Variants in PCNX4 observed in about 807,000 individuals in gnomAD.
The protein encoded by PCNX4 is pecanex 4.
PCNX4 carries 103 observed loss-of-function variants against 107.2 expected under a neutral mutation model. That is an observed-to-expected ratio of 0.96 (90% CI 0.82 to 1.13). The LOEUF is 1.13. PCNX4 is among the 50% of genes most tolerant of loss of function. The pLI is 0.00. For synonymous variants in PCNX4, 541 were observed against 481.7 expected (o/e 1.12, Z -1.61); for missense variants, 1,528 against 1,379.4 (o/e 1.11, Z -1.71).
At position 60,144,639 on chromosome 14, in the gene PCNX4, T is replaced by C; in HGVS notation, c.*10418T>C. 1 of 228,580 alleles carries C rather than the reference T, an allele frequency of 4.4e-6. No individual in the cohort carries two copies. The highest frequency in any genetic ancestry group is 6.5e-5 in the South Asian group (1 of 15,302). 14.2% of individuals were successfully genotyped at this position (228,580 alleles called of 1,614,324 possible). On this transcript the variant is annotated 3_prime_UTR_variant, in exon 11 of 11. Transcript: ENST00000406854. ...CCAGGAAAAACAGATTTCTGTTGTT[T>C]ATAAATTACCAAATCTGTGGTATTT...
rs1372743954 is a variant in PCNX4 at position 60,146,131 on chromosome 14, TTATAA to T, written c.*11913_*11917del. 7.4e-6 allele frequency: 1 copy of T among 134,944 alleles called. No individual in the cohort carries two copies. The highest frequency in any genetic ancestry group is 1.5e-5 in the Non-Finnish European group (1 of 66,032). The allele number at this position is 134,944 out of a possible 1,614,324, so 8.4% of individuals were successfully genotyped here. On this transcript the variant is annotated 3_prime_UTR_variant, in exon 11 of 11. Coordinates refer to ENST00000406854, the MANE Select transcript of PCNX4 (RefSeq NM_001330177.2). The surrounding 1 kb of genome is among the most constrained non-coding windows in gnomAD (Gnocchi z 4.9). ...TTTGAGAAATGACAGAATGCCCAGC[TTATAA>T]TAAAGAGTGACAAAGTAGTAAGACT...
chr14:60,137,548 G>A lies in PCNX4; in HGVS notation c.*3327G>A, dbSNP rs1896253954. The A allele has an allele frequency of 6.6e-6, 1 of 152,112 alleles. No homozygotes were observed. The highest frequency in any genetic ancestry group is 2.4e-5 in the African/African-American group (1 of 41,410). The allele number at this position is 152,112 out of a possible 1,614,324, so 9.4% of individuals were successfully genotyped here. A position where few individuals can be genotyped will look rare whatever the true frequency, so the allele number is the denominator to read the frequency against. On this transcript the variant is annotated 3_prime_UTR_variant, in exon 11 of 11. Coordinates refer to ENST00000406854, the MANE Select transcript of PCNX4 (RefSeq NM_001330177.2). ...TTATAACTTTTCATGTTTAGTGTTG[G>A]AAAGTTATTTAAGGTATCTGAGGAA...
At chr14:60,099,861 C>G (rs981727988) in intron 1 of PCNX4, among the ~76,000 whole-genome samples, 1 of 151,822 alleles carries the variant, frequency 6.6e-6, no homozygotes, top group Non-Finnish European at 1.5e-5. Context: ...GTTAGGAGTT[C>G]GAGACCAGCC....
At chr14:60,122,889 T>C (rs1039298053) in intron 8 of PCNX4, among the ~76,000 whole-genome samples, 3 of 152,176 alleles carry the variant, frequency 2.0e-5, no homozygotes, top group Non-Finnish European at 4.4e-5. Context: ...GCTGTCTCTT[T>C]AGTCCAGTGG....
intron 1 of PCNX4, among the ~76,000 whole-genome samples, chr14:60,094,353 A>C (rs1214805954): frequency 2.0e-5 from 3 of 152,126 alleles, no homozygotes; most frequent in Non-Finnish European, 2.9e-5. Context: ...CTAGCATCAA[A>C]ACAAAATTCG....
Position 60,147,234 on chromosome 14 carries a change from CAAA to C in PCNX4, c.*13014_*13016del, listed in dbSNP as rs913774311. 6.7e-6 allele frequency: 1 copy of C among 149,460 alleles called. No individual in the cohort carries two copies. Among genetic ancestry groups the C allele is most frequent in the Non-Finnish European group, 1.5e-5 (1 of 67,450 alleles). The allele number at this position is 149,460 out of a possible 1,614,324, so 9.3% of individuals were successfully genotyped here. On this transcript the variant is annotated 3_prime_UTR_variant, in exon 11 of 11. Coordinates refer to ENST00000406854, the MANE Select transcript of PCNX4 (RefSeq NM_001330177.2). ...TGGGTGACAGGGCGAGACCCTGTCT[CAAA>C]GAAAAAAAATGGTAGATATTTTCAG...
rs1223558391 is a variant in PCNX4 at position 60,138,348 on chromosome 14, G to A, written c.*4127G>A. 1.3e-5 allele frequency: 2 copies of A among 152,086 alleles called. No individual in the cohort carries two copies. The highest frequency in any genetic ancestry group is 4.8e-5 in the African/African-American group (2 of 41,420). The allele number at this position is 152,086 out of a possible 1,614,324, so 9.4% of individuals were successfully genotyped here. A position where few individuals can be genotyped will look rare whatever the true frequency, so the allele number is the denominator to read the frequency against. ...CAACCTGTGAGGAGATAATGACTGA[G>A]AATTCTCCAAGTTTTTAAGACATGA... On this transcript the variant is annotated 3_prime_UTR_variant, in exon 11 of 11. Transcript: ENST00000406854.
Position 60,114,685 on chromosome 14 carries a change from T to C in PCNX4, c.690-15T>C. On this transcript the variant is annotated splice_polypyrimidine_tract_variant and intron_variant, in intron 2 of 10. Coordinates refer to ENST00000406854, the MANE Select transcript of PCNX4 (RefSeq NM_001330177.2). The stretch of plus-strand genomic sequence containing the variant: ...TATATTTCGTGTGATTTAAATGTTC[T>C]TTTTTTTTATATAGGTTTGTGGTAA... 1.3e-6 allele frequency: 2 copies of C among 1,552,006 alleles called. No individual in the cohort carries two copies. The highest frequency in any genetic ancestry group is 1.8e-6 in the Non-Finnish European group (2 of 1,138,620).
intron 8 of PCNX4, among the ~76,000 whole-genome samples, chr14:60,123,874 C>G (rs1282492742): frequency 6.6e-6 from 1 of 151,958 alleles, no homozygotes; most frequent in East Asian, 1.9e-4. Flanking sequence ...TGCTTTTTTT[C>G]TCCTCCAGGA....
At chr14:60,127,042 T>C (rs1896067993) in intron 10 of PCNX4, among the ~76,000 whole-genome samples, 1 of 152,122 alleles carries the variant, frequency 6.6e-6, no homozygotes, top group African/African-American at 2.4e-5. Context: ...CAACAAAAGC[T>C]CTGAATCTCT....
chr14:60,097,866 T>C (rs1895455046), intron 1 of PCNX4, among the ~76,000 whole-genome samples: 1 of 152,220 alleles, frequency 6.6e-6, no homozygotes, highest in Admixed American at 6.5e-5. Context: ...TACAGTGTTA[T>C]TTCTGCAGTC....
At chr14:60,094,884 C>T in intron 1 of PCNX4, among the ~76,000 whole-genome samples, 1 of 151,382 alleles carries the variant, frequency 6.6e-6, no homozygotes, top group Non-Finnish European at 1.5e-5. Context: ...TTGGTTAAGT[C>T]ACTTAATATC....
At position 60,114,788 on chromosome 14, in the gene PCNX4, ACT is replaced by A; in HGVS notation, c.781_782del (p.Leu261AlafsTer70). The A allele has an allele frequency of 6.2e-7, 1 of 1,613,328 alleles. No homozygotes were observed. The highest frequency in any genetic ancestry group is 1.1e-5 in the South Asian group (1 of 91,078). ...VFLPFLWALG[T>X]LPPPDALLLW... ...TTTACCCTTTCTGTGGGCACTTGGG[ACT>A]CTGCCCCCACCCGATGCACTTCTCT... On this transcript the variant is annotated frameshift_variant, in exon 3 of 11. Coordinates refer to ENST00000406854, the MANE Select transcript of PCNX4 (RefSeq NM_001330177.2). LOFTEE classifies it high-confidence loss of function.
In PCNX4 at chr14:60,125,062, A is replaced by G. The variant is rs1289937331; in HGVS notation, c.2891A>G (p.Asp964Gly). The G allele has an allele frequency of 2.5e-6, 4 of 1,613,516 alleles. No individual in the cohort carries two copies. The African/African-American group carries it at 5.3e-5, about 22-fold the overall frequency. ...AATGTACTGGAAGAAATTGCCAAGG[A>G]CAAAGTTTTAAAAGACTTTTATGTT... is the stretch of plus-strand genomic sequence containing the variant. ...ASNVLEEIAK[D>G]KVLKDFYVHT... Residue 964 changes from aspartate (D) to glycine (G), a missense_variant, in exon 9 of 11, where the codon GAC becomes GGC. By Grantham distance (94) the Asp-to-Gly change is moderately conservative. Transcript: ENST00000406854.
chr14:60,112,039 A>G (rs1472878327), intron 2 of PCNX4, among the ~76,000 whole-genome samples: 1 of 152,212 alleles, frequency 6.6e-6, no homozygotes, highest in African/African-American at 2.4e-5. Context: ...TTATTTCAGA[A>G]GATATGAAAG....
At chr14:60,093,274 A>G (rs1398757890) in intron 1 of PCNX4, among the ~76,000 whole-genome samples, 5 of 152,154 alleles carry the variant, frequency 3.3e-5, no homozygotes, top group Admixed American at 2.6e-4. Context: ...GAATTGTGCA[A>G]CCCTTACCAC....
intron 7 of PCNX4, 126 bp downstream of exon 7, chr14:60,118,818 G>A: frequency 4.7e-6 from 5 of 1,053,302 alleles, no homozygotes; most frequent in Non-Finnish European, 6.2e-6. Context: ...AATTTGATGT[G>A]TAGGCAGAAA....
intron 2 of PCNX4, 65 bp from the exon 3 acceptor site, chr14:60,114,635 C>T: frequency 1.5e-6 from 2 of 1,378,268 alleles, no homozygotes; most frequent in Non-Finnish European, 2.0e-6. Flanking sequence ...TGTTGCTTTG[C>T]TTTTTCTTAA....
At chr14:60,103,217 G>A (rs1895566208) in intron 1 of PCNX4, among the ~76,000 whole-genome samples, 1 of 152,084 alleles carries the variant, frequency 6.6e-6, no homozygotes, top group African/African-American at 2.4e-5. Context: ...TGGAAACCCA[G>A]GCCAGTGTTT....
Sources: allele counts gnomAD v4.1 joint callset (sites outside exome capture counted in the v4.1 genomes callset), GRCh38; gene constraint gnomAD v4.1.1; non-coding constraint Gnocchi (gnomAD v3.1); transcripts MANE v1.5; gene names NCBI Gene and HGNC (gene_info 2026-07-23, HGNC 2026-07-21).